CADM2: variants seen among roughly 807,000 people sequenced by gnomAD.
CADM2 encodes the protein immunoglobulin superfamily member 4D.
A neutral mutation model predicts 49.8 loss-of-function variants in CADM2; 12 were observed. That is an observed-to-expected ratio of 0.24 (90% CI 0.15 to 0.39). CADM2 has a LOEUF of 0.39. Among genes scored for constraint, CADM2 ranks in the 10% least tolerant of loss-of-function variants. The pLI is 1.00. For missense variants in CADM2, 378 were observed against 492.3 expected, an observed-to-expected ratio of 0.77 and a Z score of 2.20; for synonymous variants, 214 against 175.4, an observed-to-expected ratio of 1.22 and a Z score of -1.74.
intron 8 of CADM2, among the ~76,000 whole-genome samples, chr3:86,050,375 G>A (rs963471687): frequency 6.6e-6 from 1 of 152,186 alleles, no homozygotes; most frequent in African/African-American, 2.4e-5. Flanking sequence ...TTATGGGCTG[G>A]TGTTGAGTGC....
At chr3:85,575,412 G>A (rs1468718833) in intron 1 of CADM2, among the ~76,000 whole-genome samples, 2 of 152,086 alleles carry the variant, frequency 1.3e-5, no homozygotes, top group African/African-American at 2.4e-5. Flanking sequence ...TTAGCCTTGC[G>A]TGGTGGCGGG....
At chr3:85,495,516 C>T (rs2039850968) in intron 1 of CADM2, among the ~76,000 whole-genome samples, 1 of 151,996 alleles carries the variant, frequency 6.6e-6, no homozygotes, top group African/African-American at 2.4e-5. Flanking sequence ...GTGACTTGCC[C>T]TTAGGTTGTT....
intron 1 of CADM2, among the ~76,000 whole-genome samples, chr3:85,017,855 C>T (rs73139677): frequency 0.049 from 7,481 of 152,064 alleles, 224 homozygotes; most frequent in Admixed American, 0.09. Flanking sequence ...GTTACTATGA[C>T]CCGAGTCAAA....
intron 1 of CADM2, among the ~76,000 whole-genome samples, chr3:85,378,580 T>A (rs1293374691): frequency 2.0e-5 from 3 of 152,080 alleles, no homozygotes; most frequent in Non-Finnish European, 4.4e-5. Flanking sequence ...TGATGCCTGC[T>A]ACAAAGTAGT....
intron 1 of CADM2, among the ~76,000 whole-genome samples, chr3:85,691,086 CT>C (rs887302745): frequency 6.6e-6 from 1 of 152,146 alleles, no homozygotes; most frequent in African/African-American, 2.4e-5. Context: ...CCCTCCCCAG[CT>C]TTTGGTAAAC....
chr3:85,263,095 T>C lies in CADM2; in HGVS notation c.61+303427T>C, dbSNP rs2043047483. Among the ~76,000 whole-genome samples the C allele has an allele frequency of 3.3e-5, 5 of 152,084 alleles. No homozygotes were observed. In the South Asian group the frequency reaches 1.0e-3, roughly 32 times the overall value. On this transcript the variant is annotated intron_variant, in intron 1 of 9. Transcript: ENST00000383699. Reference sequence around the variant, plus strand: ...GCAACCTCTGCCTCCTGGGTTCAAGTAATTCTACTGCTTCAGCCTCCGCAA... The same window carrying C: ...GCAACCTCTGCCTCCTGGGTTCAAGCAATTCTACTGCTTCAGCCTCCGCAA...
intron 1 of CADM2, among the ~76,000 whole-genome samples, chr3:85,176,324 A>T (rs931798522): frequency 6.6e-6 from 1 of 152,040 alleles, no homozygotes; most frequent in Non-Finnish European, 1.5e-5. Flanking sequence ...CTTTCTTTTG[A>T]TATTTATGTT....
chr3:85,720,742 A>G (rs1489215885), intron 1 of CADM2, among the ~76,000 whole-genome samples: 1 of 152,180 alleles, frequency 6.6e-6, no homozygotes, highest in East Asian at 1.9e-4. Context: ...TAGTGAAAAA[A>G]TGTGTTTAAC....
intron 1 of CADM2, among the ~76,000 whole-genome samples, chr3:85,473,561 T>A (rs552756554): frequency 1.3e-5 from 2 of 152,194 alleles, no homozygotes; most frequent in Non-Finnish European, 2.9e-5. Context: ...GGAAACATAT[T>A]CAGACAAATG....
intron 3 of CADM2, among the ~76,000 whole-genome samples, chr3:85,813,972 T>C (rs2073046075): frequency 6.6e-6 from 1 of 152,160 alleles, no homozygotes; most frequent in African/African-American, 2.4e-5. Flanking sequence ...TCAGGTAGTG[T>C]GATGCCTCCA....
chr3:85,829,629 T>A (rs1303782311), intron 3 of CADM2, among the ~76,000 whole-genome samples: 1 of 152,002 alleles, frequency 6.6e-6, no homozygotes, highest in Non-Finnish European at 1.5e-5. Context: ...ACCTTGTTCA[T>A]CTTCTAGCTG....
rs114443206 is a variant in CADM2, at chr3:85,108,124, T to C, written c.61+148456T>C. Among the ~76,000 whole-genome samples, 480 of 152,334 alleles carry C rather than the reference T, an allele frequency of 3.2e-3. 1 individual carries two copies. The highest frequency in any genetic ancestry group is 5.0e-3 in the Non-Finnish European group (338 of 68,034). On this transcript the variant is annotated intron_variant, in intron 1 of 9. Transcript: ENST00000383699. ...ACACAAACAGGTATTTGTACTGTCA[T>C]GTTTCTAGTAGCATTATTTACAATA...
At chr3:85,563,711 G>A (rs149361088) in intron 1 of CADM2, among the ~76,000 whole-genome samples, 24 of 152,180 alleles carry the variant, frequency 1.6e-4, no homozygotes, top group East Asian at 1.2e-3. Context: ...AGCAATTTGC[G>A]AAAATGTTAG....
intron 1 of CADM2, among the ~76,000 whole-genome samples, chr3:85,431,980 G>A (rs1212905460): frequency 6.8e-6 from 1 of 147,262 alleles, no homozygotes; most frequent in Non-Finnish European, 1.5e-5. Context: ...CTGCTAACTT[G>A]AAGCATTATT....
At chr3:85,356,644 C>T (rs558508914) in intron 1 of CADM2, among the ~76,000 whole-genome samples, 14 of 152,220 alleles carry the variant, frequency 9.2e-5, no homozygotes, top group Non-Finnish European at 1.6e-4. Context: ...TCACAAGGCA[C>T]ATTAACAAGT....
intron 3 of CADM2, among the ~76,000 whole-genome samples, chr3:85,815,316 C>A (rs1265881294): frequency 6.6e-6 from 1 of 152,100 alleles, no homozygotes; most frequent in African/African-American, 2.4e-5. Flanking sequence ...AGGCCAATAT[C>A]CCTGATGAAC....
intron 8 of CADM2, among the ~76,000 whole-genome samples, chr3:86,058,214 A>C (rs2107372739): frequency 6.6e-6 from 1 of 152,306 alleles, no homozygotes; most frequent in Non-Finnish European, 1.5e-5. Flanking sequence ...TCAAATAGAC[A>C]CTTAGAATGG....
chr3:85,129,042 A>G (rs557292959), intron 1 of CADM2, among the ~76,000 whole-genome samples: 1 of 151,984 alleles, frequency 6.6e-6, no homozygotes, highest in Non-Finnish European at 1.5e-5. Context: ...GTGTGTGTTC[A>G]TTTTTTCATT....
At chr3:85,869,762 C>T (rs1178350623) in intron 3 of CADM2, among the ~76,000 whole-genome samples, 3 of 152,056 alleles carry the variant, frequency 2.0e-5, no homozygotes, top group African/African-American at 7.2e-5. Context: ...GGGTTCACGC[C>T]ATTCTCTTCC....
Sources: gnomAD v4.1 joint callset for allele counts (sites outside exome capture counted in the v4.1 genomes callset) on GRCh38, gnomAD v4.1.1 for gene constraint, MANE v1.5 for transcripts, NCBI Gene and HGNC (gene_info 2026-07-23, HGNC 2026-07-21) for gene names.